Variants in FAM13B observed in about 807,000 individuals in gnomAD.
FAM13B encodes family with sequence similarity 13 member B.
In FAM13B, 60 loss-of-function variants were observed where a neutral mutation model predicts 117.3. The ratio of observed to expected loss-of-function variants is 0.51; its 90% CI spans 0.42 to 0.63. FAM13B has a LOEUF of 0.63. FAM13B is among the 30% of genes least tolerant of loss of function. The probability of loss-of-function intolerance (pLI) is 0.00; values close to 1 mark genes in which losing one functional copy is unlikely to be tolerated. For missense variants in FAM13B, 972 were observed against 1,091.9 expected (o/e 0.89, Z 1.55); for synonymous variants, 332 against 356.1 (o/e 0.93, Z 0.76).
At chr5:138,046,211 A>G (rs961164456) in intron 1 of FAM13B, among the ~76,000 whole-genome samples, 1 of 152,208 alleles carries the variant, frequency 6.6e-6, no homozygotes, top group Non-Finnish European at 1.5e-5. Context: ...TCCTTCAACC[A>G]TGATTGTGAG....
rs965705819 is a variant in FAM13B, at chr5:137,952,488, A to T, written c.1930+140T>A. 2.7e-5 allele frequency: 16 copies of T among 581,862 alleles called. No individual in the cohort carries two copies. The African/African-American group carries it at 2.8e-4, about 10-fold the overall frequency. 36.0% of individuals were successfully genotyped at this position (581,862 alleles called of 1,614,324 possible). A position where few individuals can be genotyped will look rare whatever the true frequency, so the allele number is the denominator to read the frequency against. On this transcript the variant is annotated intron_variant, in intron 17 of 23. Transcript: ENST00000689681. The stretch of plus-strand genomic sequence containing the variant: ...ACAGTATGCAATTTTGACCCTAATA[A>T]AACAAAAAAAGGTAACTTTTATTTT...
At chr5:137,994,301 A>G (rs1779332710) in intron 7 of FAM13B, among the ~76,000 whole-genome samples, 1 of 152,228 alleles carries the variant, frequency 6.6e-6, no homozygotes, top group Admixed American at 6.5e-5. Context: ...GTTGTCACCC[A>G]CAAGGCTACA....
intron 1 of FAM13B, among the ~76,000 whole-genome samples, chr5:138,048,775 G>A (rs1791712394): frequency 1.3e-5 from 2 of 152,040 alleles, no homozygotes; most frequent in Non-Finnish European, 2.9e-5. Flanking sequence ...TGCATTACAT[G>A]CTCTTTCTCA....
intron 1 of FAM13B, among the ~76,000 whole-genome samples, chr5:138,027,625 C>G (rs9790915): frequency 0.74 from 112,161 of 152,106 alleles, 42,017 homozygotes; most frequent in East Asian, 0.97. Flanking sequence ...ATTTGTCTGA[C>G]ATACTTAACA....
intron 1 of FAM13B, among the ~76,000 whole-genome samples, chr5:138,041,068 A>C (rs1051592116): frequency 5.3e-5 from 8 of 151,268 alleles, no homozygotes; most frequent in African/African-American, 1.7e-4. Context: ...CATCTCAAAA[A>C]AAAAAAAAAA....
intron 1 of FAM13B, among the ~76,000 whole-genome samples, chr5:138,045,265 G>A (rs1166062508): frequency 2.0e-5 from 3 of 152,196 alleles, no homozygotes; most frequent in Admixed American, 2.0e-4. Flanking sequence ...CAGGCATGGT[G>A]GCTCATACCT....
At chr5:138,040,262 C>CAA (rs3032825) in intron 1 of FAM13B, among the ~76,000 whole-genome samples, 5 of 25,224 alleles carry the variant, frequency 2.0e-4, no homozygotes, top group South Asian at 4.2e-3. Flanking sequence ...GACTCTGTCT[C>CAA]AAAAAAAAAA....
At chr5:138,020,466 A>G (rs528968602) in intron 2 of FAM13B, among the ~76,000 whole-genome samples, 62 of 152,376 alleles carry the variant, frequency 4.1e-4, no homozygotes, top group African/African-American at 1.2e-3. Context: ...TCAGTAAAGA[A>G]GTGGGAGAAA....
intron 17 of FAM13B, among the ~76,000 whole-genome samples, chr5:137,950,048 T>G (rs1173553972): frequency 6.6e-6 from 1 of 152,198 alleles, no homozygotes; most frequent in African/African-American, 2.4e-5. Flanking sequence ...AATAAAATGC[T>G]CTGATGGGCA....
intron 10 of FAM13B, among the ~76,000 whole-genome samples, chr5:137,977,975 A>G (rs1290942448): frequency 6.6e-6 from 1 of 152,238 alleles, no homozygotes; most frequent in African/African-American, 2.4e-5. Flanking sequence ...CCTTTTGACT[A>G]TGTGCCACAC....
intron 1 of FAM13B, among the ~76,000 whole-genome samples, chr5:138,030,216 C>T (rs1789530783): frequency 1.3e-5 from 2 of 152,074 alleles, no homozygotes; most frequent in African/African-American, 4.8e-5. Flanking sequence ...TAGGGTGTGG[C>T]GTTCCTTGGC....
chr5:138,004,304 C>CAATGAATCCTTCTGA (rs61387347), intron 7 of FAM13B, among the ~76,000 whole-genome samples: 1 of 151,734 alleles, frequency 6.6e-6, no homozygotes, highest in South Asian at 2.1e-4. Flanking sequence ...ACTAAATCTC[C>CAATGAATCCTTCTGA]AATGACTGTG....
intron 10 of FAM13B, among the ~76,000 whole-genome samples, chr5:137,984,145 C>A (rs1776563375): frequency 6.6e-6 from 1 of 152,086 alleles, no homozygotes. Flanking sequence ...AGAAAGGATG[C>A]CAACAGTGGA....
chr5:138,025,288 C>CATATAT (rs67314207), intron 1 of FAM13B, among the ~76,000 whole-genome samples: 2,895 of 92,492 alleles, frequency 0.031, 86 homozygotes, highest in Middle Eastern at 0.058. Flanking sequence ...CAAACAAAGC[C>CATATAT]ATATATATAT....
intron 1 of FAM13B, among the ~76,000 whole-genome samples, chr5:138,025,209 T>A (rs1787957880): frequency 6.6e-6 from 1 of 151,054 alleles, no homozygotes. Flanking sequence ...AGCATGGTGT[T>A]ATTGACAAGG....
At chr5:137,988,212 T>A (rs1159771036) in intron 8 of FAM13B, 62 bp downstream of exon 8, 8 of 1,258,870 alleles carry the variant, frequency 6.4e-6, no homozygotes, top group Non-Finnish European at 7.7e-6. Flanking sequence ...TTATTTTCAT[T>A]TCTACAGCTT....
intron 10 of FAM13B, among the ~76,000 whole-genome samples, chr5:137,978,085 T>C (rs1311802079): frequency 6.6e-6 from 1 of 152,176 alleles, no homozygotes; most frequent in Non-Finnish European, 1.5e-5. Flanking sequence ...TGTTTTTTTT[T>C]CAAAATAACT....
chr5:138,017,852 T>C (rs559759453), intron 4 of FAM13B, among the ~76,000 whole-genome samples: 2 of 152,344 alleles, frequency 1.3e-5, no homozygotes, highest in East Asian at 3.9e-4. Flanking sequence ...TTTAGGTATA[T>C]TCAAAGCCTA....
intron 1 of FAM13B, among the ~76,000 whole-genome samples, chr5:138,022,087 C>T (rs1870902): frequency 0.75 from 111,454 of 149,550 alleles, 41,889 homozygotes; most frequent in East Asian, 0.97. Flanking sequence ...CACTCCAGCC[C>T]GGGCAACAAA....
Sources: allele counts gnomAD v4.1 joint callset (sites outside exome capture counted in the v4.1 genomes callset), GRCh38; gene constraint gnomAD v4.1.1; transcripts MANE v1.5; gene names NCBI Gene and HGNC (gene_info 2026-07-23, HGNC 2026-07-21).